SYTL5: variants seen among roughly 807,000 people sequenced by gnomAD.
The protein encoded by SYTL5 is synaptotagmin-like protein 5.
SYTL5 carries 34 observed loss-of-function variants against 55.9 expected under a neutral mutation model. The observed-to-expected ratio is 0.61, with a 90% confidence interval of 0.46 to 0.81. SYTL5 has a LOEUF of 0.81. Among genes scored for constraint, SYTL5 ranks in the 30% least tolerant of loss-of-function variants. SYTL5 has a pLI of 0.00. For synonymous variants in SYTL5, 221 were observed against 188.7 expected (o/e 1.17, Z -1.40); for missense variants, 637 against 546.7 (o/e 1.17, Z -1.65).
the SYTL5 span, among the ~76,000 whole-genome samples, chrX:37,932,927 A>T: frequency 9.0e-6 from 1 of 111,061 alleles, no homozygotes; most frequent in East Asian, 2.8e-4. Flanking sequence ...TCACAGCATG[A>T]TGGTCTCGGG....
chrX:37,939,915 C>G, the SYTL5 span, among the ~76,000 whole-genome samples: 1 of 111,619 alleles, frequency 9.0e-6, no homozygotes, highest in South Asian at 3.8e-4. Flanking sequence ...GCTGCAAACT[C>G]TGCCTGCCAG....
At chrX:37,995,939 A>T in the SYTL5 span, among the ~76,000 whole-genome samples, 2 of 112,320 alleles carry the variant, frequency 1.8e-5, no homozygotes, top group Non-Finnish European at 3.8e-5. Flanking sequence ...TGGGTGGCCC[A>T]TGGCAGATGA....
chrX:37,969,247 GA>G, the SYTL5 span, among the ~76,000 whole-genome samples: 115 of 111,208 alleles, frequency 1.0e-3, no homozygotes, highest in Middle Eastern at 4.7e-3. Context: ...TCTAATGGGG[GA>G]AAAAAATCCA....
chrX:38,094,150 T>C, intron 7 of SYTL5, 145 bp from the exon 8 acceptor site: 1 of 472,172 alleles, frequency 2.1e-6, no homozygotes, highest in Admixed American at 4.1e-5. Context: ...CATGGACTCC[T>C]GGTGAGGGTC....
chrX:37,952,307 T>G, the SYTL5 span, among the ~76,000 whole-genome samples: 1 of 111,868 alleles, frequency 8.9e-6, no homozygotes. Context: ...TGGGTTTGTC[T>G]GCACTTAGCT....
the SYTL5 span, among the ~76,000 whole-genome samples, chrX:37,923,440 G>A: frequency 9.0e-6 from 1 of 110,644 alleles, no homozygotes; most frequent in Non-Finnish European, 1.9e-5. Context: ...AATGACTACA[G>A]GTTCAAAAAG....
At chrX:38,052,322 A>G (rs1402651120) in intron 2 of SYTL5, among the ~76,000 whole-genome samples, 1 of 112,261 alleles carries the variant, frequency 8.9e-6, no homozygotes, top group Non-Finnish European at 1.9e-5. Flanking sequence ...CTTAACTAAC[A>G]TAAAGGGTAA....
At chrX:38,081,440 C>A (rs940979994) in intron 6 of SYTL5, among the ~76,000 whole-genome samples, 2 of 111,708 alleles carry the variant, frequency 1.8e-5, no homozygotes, top group African/African-American at 6.5e-5. Context: ...AGAACTTTAG[C>A]TAGAAACTTC....
chrX:38,084,255 A>T (rs1183329396), intron 6 of SYTL5, among the ~76,000 whole-genome samples: 1 of 112,342 alleles, frequency 8.9e-6, no homozygotes, highest in East Asian at 2.8e-4. Context: ...ACACACAGGG[A>T]GGGCATGGAA....
intron 1 of SYTL5, among the ~76,000 whole-genome samples, chrX:38,026,003 C>A: frequency 8.9e-6 from 1 of 112,384 alleles, no homozygotes; most frequent in East Asian, 2.8e-4. Flanking sequence ...CTATGGGAAG[C>A]CAACTTATAA....
the SYTL5 span, chrX:37,939,704 A>T: frequency 1.8e-5 from 2 of 112,469 alleles, no homozygotes; most frequent in African/African-American, 6.5e-5. Context: ...GATGTGCTAC[A>T]TTTCCAAAAC....
the SYTL5 span, among the ~76,000 whole-genome samples, chrX:37,914,452 A>G: frequency 9.0e-6 from 1 of 111,592 alleles, no homozygotes; most frequent in African/African-American, 3.3e-5. Flanking sequence ...ATCACCAAAA[A>G]CTTCATGCAG....
At chrX:37,967,757 T>A in the SYTL5 span, among the ~76,000 whole-genome samples, 1 of 110,957 alleles carries the variant, frequency 9.0e-6, no homozygotes, top group East Asian at 2.9e-4. Context: ...CATTCTTTCT[T>A]CTTTTTGCTA....
At chrX:37,904,860 T>C in the SYTL5 span, among the ~76,000 whole-genome samples, 1 of 111,058 alleles carries the variant, frequency 9.0e-6, no homozygotes, top group Non-Finnish European at 1.9e-5. Flanking sequence ...CCTATTCTTG[T>C]TTCTTTCTCT....
intron 2 of SYTL5, among the ~76,000 whole-genome samples, chrX:38,046,877 T>A (rs1935477316): frequency 9.0e-6 from 1 of 111,086 alleles, no homozygotes; most frequent in African/African-American, 3.3e-5. Context: ...AATGAAGGGG[T>A]TATAAGCCCC....
the SYTL5 span, among the ~76,000 whole-genome samples, chrX:37,898,371 T>G: frequency 0.02 from 2,265 of 111,858 alleles, 31 homozygotes; most frequent in Non-Finnish European, 0.033. Flanking sequence ...CAGGGGGCCA[T>G]AGAATTCATA....
chrX:38,030,781 T>C (rs1256777996), intron 1 of SYTL5, among the ~76,000 whole-genome samples: 1 of 112,307 alleles, frequency 8.9e-6, no homozygotes, highest in Non-Finnish European at 1.9e-5. Flanking sequence ...TCCATTGCCC[T>C]TCCCAGAAGG....
At chrX:38,061,975 C>CT (rs201212581) in intron 3 of SYTL5, among the ~76,000 whole-genome samples, 3,712 of 105,806 alleles carry the variant, frequency 0.035, 67 homozygotes, top group Middle Eastern at 0.063. Context: ...TTCTTTTTTT[C>CT]TTTTTTTTTT....
intron 13 of SYTL5, among the ~76,000 whole-genome samples, chrX:38,116,780 G>A (rs891511467): frequency 1.8e-5 from 2 of 112,078 alleles, no homozygotes; most frequent in African/African-American, 6.5e-5. Flanking sequence ...AAGAGCTTAG[G>A]GGACTAACTA....
Sources: gnomAD v4.1 joint callset for allele counts (sites outside exome capture counted in the v4.1 genomes callset) on GRCh38, gnomAD v4.1.1 for gene constraint, MANE v1.5 for transcripts, NCBI Gene and HGNC (gene_info 2026-07-23, HGNC 2026-07-21) for gene names.